The following ZDHHC11B variants were observed in gnomAD, a reference collection of about 807,000 sequenced individuals.
ZDHHC11B encodes probable palmitoyltransferase ZDHHC11B.
A neutral mutation model predicts 42.3 loss-of-function variants in ZDHHC11B; 17 were observed. The ratio of observed to expected loss-of-function variants is 0.40; its 90% CI spans 0.27 to 0.60. The LOEUF is 0.60. Among genes scored for constraint, ZDHHC11B ranks in the 20% least tolerant of loss-of-function variants. The pLI is 0.41. For synonymous variants in ZDHHC11B, 123 were observed against 193.5 expected (o/e 0.64, Z 3.02); for missense variants, 262 against 463.2 (o/e 0.57, Z 3.99).
intron 12 of ZDHHC11B, among the ~76,000 whole-genome samples, chr5:719,488 T>A (rs559352470): frequency 1.5e-4 from 22 of 151,444 alleles, no homozygotes; most frequent in East Asian, 9.7e-4. Context: ...ATATATTTTT[T>A]AAAAACCAAA....
At chr5:728,088 T>A (rs1193414637) in intron 12 of ZDHHC11B, among the ~76,000 whole-genome samples, 1 of 151,570 alleles carries the variant, frequency 6.6e-6, no homozygotes, top group African/African-American at 2.4e-5. Flanking sequence ...CAACTCCATT[T>A]AAAAGTGTGC....
intron 10 of ZDHHC11B, among the ~76,000 whole-genome samples, chr5:736,454 T>C (rs546066815): frequency 1.7e-4 from 25 of 149,630 alleles, no homozygotes; most frequent in South Asian, 9.0e-4. Flanking sequence ...TTAAACTATA[T>C]CCTAGAACAA....
At chr5:753,504 G>C (rs2127108485) in intron 6 of ZDHHC11B, among the ~76,000 whole-genome samples, 1 of 138,468 alleles carries the variant, frequency 7.2e-6, no homozygotes, top group South Asian at 2.9e-4. Context: ...CCACCTGCCT[G>C]TGGGCCCTCA....
chr5:771,225 G>T (rs1199719607), intron 1 of ZDHHC11B, among the ~76,000 whole-genome samples: 2 of 151,814 alleles, frequency 1.3e-5, no homozygotes, highest in Non-Finnish European at 2.9e-5. Flanking sequence ...CCAAAGTGTG[G>T]CTCTGTCATC....
At chr5:754,563 G>A (rs1165930076) in intron 6 of ZDHHC11B, among the ~76,000 whole-genome samples, 14 of 129,510 alleles carry the variant, frequency 1.1e-4, no homozygotes, top group East Asian at 3.4e-4. Context: ...CGTGCTCAGG[G>A]GAAACACCTC....
intron 4 of ZDHHC11B, among the ~76,000 whole-genome samples, chr5:757,434 T>C (rs1372444449): frequency 1.3e-5 from 2 of 151,890 alleles, no homozygotes; most frequent in East Asian, 3.9e-4. Flanking sequence ...AGAGCCCCTC[T>C]CTGGAGCCCC....
intron 4 of ZDHHC11B, among the ~76,000 whole-genome samples, chr5:765,249 T>G (rs182090224): frequency 1.3e-5 from 2 of 151,494 alleles, no homozygotes; most frequent in Non-Finnish European, 2.9e-5. Context: ...CAGCACCCTA[T>G]GTCTAGCTCG....
At chr5:737,247 A>T (rs1277607842) in intron 10 of ZDHHC11B, among the ~76,000 whole-genome samples, 3 of 147,840 alleles carry the variant, frequency 2.0e-5, no homozygotes, top group Non-Finnish European at 4.4e-5. Flanking sequence ...TATACAACCC[A>T]ACTAGATTAA....
intron 1 of ZDHHC11B, among the ~76,000 whole-genome samples, chr5:772,889 T>C (rs1163297457): frequency 6.6e-6 from 1 of 151,864 alleles, no homozygotes; most frequent in Non-Finnish European, 1.5e-5. Context: ...CTTGTAGTTT[T>C]GTTTTACCTC....
At chr5:777,985 C>A (rs778859470) in intron 1 of ZDHHC11B, among the ~76,000 whole-genome samples, 1 of 151,896 alleles carries the variant, frequency 6.6e-6, no homozygotes, top group South Asian at 2.1e-4. Flanking sequence ...GCGGCTGAGG[C>A]CCCGCGAGAA....
At chr5:732,707 ACTGGCCCC>A (rs1436624188) in intron 11 of ZDHHC11B, 8 of 431,176 alleles carry the variant, frequency 1.9e-5, no homozygotes, top group Non-Finnish European at 3.2e-5. Context: ...ACCTCCAGAA[ACTGGCCCC>A]CTCACAAATC....
In ZDHHC11B at chr5:767,382, C is replaced by G; in HGVS notation, c.-1+10G>C. On this transcript the variant is annotated intron_variant, in intron 3 of 13. Transcript: ENST00000508859. ...ACAGCAGCCAAGGGCTCCCCGGGGC[C>G]AACACCTGCCTCGGCGCACACTGCA... 6.5e-7 allele frequency: 1 copy of G among 1,546,232 alleles called. No homozygotes were observed. The highest frequency in any genetic ancestry group is 1.2e-5 in the South Asian group (1 of 86,904).
intron 1 of ZDHHC11B, among the ~76,000 whole-genome samples, chr5:778,654 C>T (rs1736737663): frequency 6.6e-6 from 1 of 152,140 alleles, no homozygotes; most frequent in Admixed American, 6.5e-5. Flanking sequence ...ATGGTGGCCC[C>T]ATCTAATCCC....
intron 4 of ZDHHC11B, among the ~76,000 whole-genome samples, chr5:760,272 T>C (rs928301655): frequency 1.3e-5 from 2 of 151,824 alleles, no homozygotes; most frequent in African/African-American, 4.8e-5. Context: ...GTGACCTCGC[T>C]TGGAAATAGG....
intron 11 of ZDHHC11B, chr5:732,649 G>A: frequency 2.2e-6 from 1 of 451,990 alleles, no homozygotes; most frequent in South Asian, 1.6e-5. Context: ...TCCTGGGGAA[G>A]TGCGGTGAGG....
In ZDHHC11B at chr5:729,893, A is replaced by G. The variant is rs1423340514; in HGVS notation, c.1058+541T>C. On this transcript the variant is annotated intron_variant, in intron 12 of 13. Transcript: ENST00000508859. ...TTGAGATTCTCTGGGAAGAATATGC[A>G]TTTGTCATGGCTGTACAATTTTATT... 2.0e-5 allele frequency among the ~76,000 whole-genome samples: 3 copies of G among 151,304 alleles called. No homozygotes were observed. In the East Asian group the frequency reaches 5.8e-4, roughly 29 times the overall value.
chr5:718,768 C>T (rs1238016048), intron 12 of ZDHHC11B, among the ~76,000 whole-genome samples: 1 of 151,466 alleles, frequency 6.6e-6, no homozygotes, highest in East Asian at 1.9e-4. Flanking sequence ...TGTACATGAG[C>T]CAGCTACCGC....
At chr5:750,181 G>T (rs1247082840) in intron 7 of ZDHHC11B, among the ~76,000 whole-genome samples, 1 of 117,994 alleles carries the variant, frequency 8.5e-6, no homozygotes, top group African/African-American at 2.9e-5. Context: ...TCTGGCCCAG[G>T]TCCTCCTGGT....
chr5:772,404 G>A (rs1264471239), intron 1 of ZDHHC11B, among the ~76,000 whole-genome samples: 3 of 150,698 alleles, frequency 2.0e-5, no homozygotes, highest in Admixed American at 6.7e-5. Flanking sequence ...ACTGAAGACA[G>A]ACACTGCCTT....
Sources: allele counts gnomAD v4.1 joint callset (sites outside exome capture counted in the v4.1 genomes callset), GRCh38; gene constraint gnomAD v4.1.1; transcripts MANE v1.5; gene names NCBI Gene and HGNC (gene_info 2026-07-23, HGNC 2026-07-21).